Variants in ALPK2 observed in about 807,000 individuals in gnomAD.
ALPK2 encodes alpha kinase 2, also known as alpha-protein kinase 2.
Under a neutral mutation model 163.1 loss-of-function variants are expected in ALPK2, and 127 were observed. The observed-to-expected ratio is 0.78, with a 90% CI of 0.67 to 0.90. The LOEUF is 0.90. ALPK2 is among the 40% of genes least tolerant of loss of function. ALPK2 has a pLI of 0.00. For synonymous variants in ALPK2, 953 were observed against 959.1 expected (o/e 0.99, Z 0.12); for missense variants, 2,360 against 2,589.6 (o/e 0.91, Z 1.92).
rs767974964 is a variant in ALPK2, at chr18:58,536,570, T to C, written c.3617A>G (p.Gln1206Arg). 6.2e-7 allele frequency: 1 copy of C among 1,614,090 alleles called. No homozygotes were observed. Among genetic ancestry groups the C allele is most frequent in the Non-Finnish European group, 8.5e-7 (1 of 1,180,006 alleles). Residue 1206 changes from glutamine to arginine, a missense_variant, in exon 5 of 13, where the codon CAG (glutamine) becomes CGG (arginine). Gln to Arg is a conservative substitution (Grantham distance 43, BLOSUM62 1). Transcript: ENST00000361673. The part of the protein sequence containing the change: ...VAETAGEEDS[Q>R]ALSNVPSLSD... ...GAGAGATGGAACGTTGCTCAGAGCC[T>C]GACTGTCTTCTTCCCCAGCAGTTTC...
intron 4 of ALPK2, 66 bp from the exon 5 acceptor site, chr18:58,538,290 C>T (rs1179863318): frequency 7.2e-7 from 1 of 1,383,940 alleles, no homozygotes; most frequent in Non-Finnish European, 9.9e-7. Context: ...GGCATAACTG[C>T]AATCCCAAGA....
intron 1 of ALPK2, among the ~76,000 whole-genome samples, chr18:58,621,566 A>C (rs995508772): frequency 2.0e-5 from 3 of 152,110 alleles, no homozygotes; most frequent in African/African-American, 7.2e-5. Flanking sequence ...CCACTGCACC[A>C]GGCCAATGTG....
intron 8 of ALPK2, among the ~76,000 whole-genome samples, chr18:58,521,625 C>CTTTTTTTTTTT (rs1375364902): frequency 4.1e-3 from 208 of 50,518 alleles, no homozygotes; most frequent in African/African-American, 5.6e-3. Flanking sequence ...CTTTCTCTCT[C>CTTTTTTTTTTT]TCTTTTTTTT....
At chr18:58,484,374 T>TA in intron 12 of ALPK2, among the ~76,000 whole-genome samples, 1 of 152,296 alleles carries the variant, frequency 6.6e-6, no homozygotes, top group South Asian at 2.1e-4. Context: ...AGAAGACAGA[T>TA]ATCAAGTCAT....
Position 58,558,871 on chromosome 18 carries a change from G to C in ALPK2, c.1962+19943C>G, listed in dbSNP as rs551273264. 1.3e-4 allele frequency among the ~76,000 whole-genome samples: 20 copies of C among 152,348 alleles called. No homozygotes were observed. In the South Asian group the frequency reaches 3.9e-3, roughly 30 times the overall value. ...ACGTTTATACAAAATGTCCAGAACA[G>C]GCAAATCTATTCAAGACAGAAAGTA... is the stretch of plus-strand genomic sequence containing the variant. On this transcript the variant is annotated intron_variant, in intron 4 of 12. Transcript: ENST00000361673.
intron 1 of ALPK2, among the ~76,000 whole-genome samples, 153 bp from the exon 2 acceptor site, chr18:58,611,970 G>A (rs888566825): frequency 1.3e-5 from 2 of 152,216 alleles, no homozygotes; most frequent in South Asian, 2.1e-4. Flanking sequence ...TTTCCAGGCC[G>A]TGGTGCTGCT....
chr18:58,604,338 T>TTTTCAAA (rs2052087149), intron 3 of ALPK2, among the ~76,000 whole-genome samples: 1 of 152,212 alleles, frequency 6.6e-6, no homozygotes, highest in Non-Finnish European at 1.5e-5. Context: ...TGAAAGGCAT[T>TTTTCAAA]TGCACAAAAT....
At chr18:58,576,811 C>T (rs62096307) in intron 4 of ALPK2, among the ~76,000 whole-genome samples, 31,597 of 152,152 alleles carry the variant, frequency 0.21, 3,537 homozygotes, top group East Asian at 0.42. Context: ...CCAGGCTGCA[C>T]GGAACTGCTC....
intron 1 of ALPK2, among the ~76,000 whole-genome samples, chr18:58,623,774 A>T (rs936642280): frequency 6.6e-6 from 1 of 152,196 alleles, no homozygotes; most frequent in African/African-American, 2.4e-5. Flanking sequence ...TGGCTGGTTC[A>T]TTCCATTTCT....
chr18:58,504,695 TAAAC>T (rs2144113800), intron 10 of ALPK2, among the ~76,000 whole-genome samples: 1 of 152,240 alleles, frequency 6.6e-6, no homozygotes, highest in East Asian at 1.9e-4. Context: ...AGACTGACAA[TAAAC>T]AAGTAAATGC....
Position 58,552,462 on chromosome 18 carries a change from A to C in ALPK2, c.1963-14238T>G, listed in dbSNP as rs1464138183. Among the ~76,000 whole-genome samples, 3 of 152,260 alleles carry C rather than the reference A, an allele frequency of 2.0e-5. No individual in the cohort carries two copies. In the East Asian group the frequency reaches 5.8e-4, roughly 29 times the overall value. ...TATATGTAAAGGCTAGCACAGAGACAGAAATAACTTGCTACAGTAGAAATA... is the reference window on the plus strand; with the variant it reads ...TATATGTAAAGGCTAGCACAGAGACCGAAATAACTTGCTACAGTAGAAATA... On this transcript the variant is annotated intron_variant, in intron 4 of 12. Transcript: ENST00000361673.
chr18:58,502,336 CAG>C (rs1422876482), intron 11 of ALPK2, among the ~76,000 whole-genome samples: 1 of 151,964 alleles, frequency 6.6e-6, no homozygotes. Flanking sequence ...GCCTGGGTGA[CAG>C]AGTGACACCC....
intron 3 of ALPK2, among the ~76,000 whole-genome samples, chr18:58,586,407 C>T (rs1248120214): frequency 1.3e-5 from 2 of 152,176 alleles, no homozygotes; most frequent in South Asian, 4.1e-4. Flanking sequence ...TTTCAGGGCT[C>T]TGAAAATTAA....
chr18:58,504,710 A>C (rs1227933829), intron 10 of ALPK2, among the ~76,000 whole-genome samples: 1 of 152,202 alleles, frequency 6.6e-6, no homozygotes, highest in Non-Finnish European at 1.5e-5. Flanking sequence ...AAGTAAATGC[A>C]TGGTGCTAAG....
At chr18:58,533,111 A>G (rs1244259405) in intron 5 of ALPK2, among the ~76,000 whole-genome samples, 2 of 152,214 alleles carry the variant, frequency 1.3e-5, no homozygotes, top group Non-Finnish European at 2.9e-5. Flanking sequence ...CTGCCCTCGC[A>G]TCTACCTGCT....
rs2051526505 is a variant in ALPK2 at position 58,517,136 on chromosome 18, G to A, written c.5712C>T (p.Phe1904=). The stretch of plus-strand genomic sequence containing the variant: ...GGCCCCCAAAGTAGCTGTCATGGAG[G>A]AAGTCTTCTTTGAAGATGAGTTGGC... ...EFSQLIFKED[F]LHDSYFGGRL... Residue 1904 remains phenylalanine, a synonymous_variant, in exon 9 of 13, where the codon TTC becomes TTT. Coordinates refer to ENST00000361673, the MANE Select transcript of ALPK2 (RefSeq NM_052947.4). The A allele has an allele frequency of 6.2e-7, 1 of 1,614,036 alleles. No homozygotes were observed. The highest frequency in any genetic ancestry group is 1.7e-5 in the Admixed American group (1 of 60,006).
intron 3 of ALPK2, among the ~76,000 whole-genome samples, chr18:58,604,620 A>G (rs770497520): frequency 6.6e-4 from 100 of 152,250 alleles, no homozygotes; most frequent in Non-Finnish European, 2.6e-4. Context: ...ACTGCTAAGC[A>G]GCAAAACGTG....
intron 3 of ALPK2, among the ~76,000 whole-genome samples, chr18:58,581,381 A>T (rs1353655575): frequency 6.6e-6 from 1 of 152,226 alleles, no homozygotes; most frequent in Non-Finnish European, 1.5e-5. Flanking sequence ...ATGTGACTAA[A>T]AGTCTAAACC....
intron 2 of ALPK2, among the ~76,000 whole-genome samples, chr18:58,608,572 C>T (rs1347532673): frequency 6.6e-6 from 1 of 152,214 alleles, no homozygotes; most frequent in Admixed American, 6.5e-5. Flanking sequence ...CATTCTTAAT[C>T]TGTCTTAGGA....
Sources: gnomAD v4.1 joint callset for allele counts (sites outside exome capture counted in the v4.1 genomes callset) on GRCh38, gnomAD v4.1.1 for gene constraint, MANE v1.5 for transcripts, NCBI Gene and HGNC (gene_info 2026-07-23, HGNC 2026-07-21) for gene names.